SBNO2: variants seen among roughly 807,000 people sequenced by gnomAD.
SBNO2 encodes strawberry notch homolog 2, also known as protein strawberry notch homolog 2.
Under a neutral mutation model 146.3 loss-of-function variants are expected in SBNO2, and 89 were observed. The observed-to-expected ratio is 0.61, with a 90% CI of 0.51 to 0.73. The LOEUF (loss-of-function observed/expected upper bound fraction) is 0.73. Among genes scored for constraint, SBNO2 ranks in the 30% least tolerant of loss-of-function variants. SBNO2 has a pLI of 0.00. For synonymous variants in SBNO2, 1,147 were observed against 892.6 expected (o/e 1.29, Z -5.08); for missense variants, 2,092 against 2,003.7 (o/e 1.04, Z -0.84).
chr19:1,174,103 C>T (rs1435630239), intron 1 of SBNO2, 69 bp downstream of exon 1: 1 of 151,008 alleles, frequency 6.6e-6, no homozygotes, highest in Non-Finnish European at 1.5e-5. Flanking sequence ...AGCGCCGGAC[C>T]CACAAGCGGG....
chr19:1,134,830 G>A (rs1416750429), intron 4 of SBNO2, among the ~76,000 whole-genome samples: 1 of 151,946 alleles, frequency 6.6e-6, no homozygotes, highest in Non-Finnish European at 1.5e-5. Context: ...GGTGGATCAC[G>A]AGGTCAGGAG....
intron 4 of SBNO2, among the ~76,000 whole-genome samples, chr19:1,134,385 C>G (rs1048474989): frequency 5.4e-5 from 8 of 149,438 alleles, no homozygotes; most frequent in African/African-American, 2.0e-4. Flanking sequence ...GACAGCCTGG[C>G]TCCTGCAGCG....
intron 1 of SBNO2, among the ~76,000 whole-genome samples, chr19:1,156,683 G>A (rs1025345593): frequency 2.0e-5 from 3 of 152,162 alleles, no homozygotes; most frequent in African/African-American, 7.2e-5. Flanking sequence ...ACAGCAGCGA[G>A]GCCGACCTAG....
At chr19:1,154,523 G>C (rs1198771703) in intron 1 of SBNO2, 121 bp from the exon 2 acceptor site, 1 of 369,042 alleles carries the variant, frequency 2.7e-6, no homozygotes, top group East Asian at 3.9e-5. Flanking sequence ...CTACCTCCTG[G>C]GCCGGAACCA....
intron 3 of SBNO2, 147 bp from the exon 4 acceptor site, chr19:1,147,567 CACAT>C: frequency 1.9e-6 from 1 of 526,894 alleles, no homozygotes; most frequent in Non-Finnish European, 3.3e-6. Context: ...GGCCCCGCTG[CACAT>C]ACAGAGGGGC....
At chr19:1,170,366 G>A (rs1334821977) in intron 1 of SBNO2, among the ~76,000 whole-genome samples, 1 of 152,200 alleles carries the variant, frequency 6.6e-6, no homozygotes, top group East Asian at 1.9e-4. Flanking sequence ...GCCCGAGGGT[G>A]CAGGTGCCGG....
chr19:1,114,931 CTTAT>C (rs1021975672), intron 17 of SBNO2, among the ~76,000 whole-genome samples: 3 of 151,686 alleles, frequency 2.0e-5, no homozygotes, highest in Non-Finnish European at 4.4e-5. Flanking sequence ...CCACGCCTGG[CTTAT>C]TTATTTATTT....
At chr19:1,171,154 CACACGCGTATGAA>C (rs2080473546) in intron 1 of SBNO2, among the ~76,000 whole-genome samples, 1 of 151,880 alleles carries the variant, frequency 6.6e-6, no homozygotes, top group South Asian at 2.1e-4. Flanking sequence ...ACCCATAAAA[CACACGCGTATGAA>C]ACACACGAGC....
At chr19:1,139,971 G>A (rs2145276987) in intron 4 of SBNO2, among the ~76,000 whole-genome samples, 1 of 151,028 alleles carries the variant, frequency 6.6e-6, no homozygotes, top group Non-Finnish European at 1.5e-5. Flanking sequence ...AAAAACTAGA[G>A]AAAAACAGAG....
chr19:1,122,207 C>G lies in SBNO2; in HGVS notation c.1081G>C (p.Ala361Pro). ...AGGCGAGTGCGGTGCTGGCCGCCGG[C>G]CTGGCTCTCCCCAATCAGGGCGGAG... is the stretch of plus-strand genomic sequence containing the variant. ...TYSALIGESQ[A>P]GGQHRTRLRQ... Residue 361 changes from alanine (A) to proline (P), a missense_variant, in exon 11 of 32, where the codon GCC (alanine) becomes CCC (proline). Coordinates refer to ENST00000361757, the MANE Select transcript of SBNO2 (RefSeq NM_014963.3). 1 of 1,564,540 alleles carries G rather than the reference C, an allele frequency of 6.4e-7. No homozygotes were observed. The highest frequency in any genetic ancestry group is 1.4e-5 in the African/African-American group (1 of 73,658).
At position 1,157,560 on chromosome 19, in the gene SBNO2, G is replaced by C. The variant is rs749811943; in HGVS notation, c.-126-3158C>G. Among the ~76,000 whole-genome samples, 5 of 152,110 alleles carry C rather than the reference G, an allele frequency of 3.3e-5. No individual in the cohort carries two copies. Among genetic ancestry groups the C allele is most frequent in the Admixed American group, 6.5e-5 (1 of 15,278 alleles). On this transcript the variant is annotated intron_variant, in intron 1 of 31. Transcript: ENST00000361757. This position sits in a 1 kb window ranked among gnomAD's most constrained non-coding sequence, Gnocchi z 6.8. ...GAGTCCCATGACTGGAGGGATGCGT[G>C]GTGTGGGGGTTGGGGGGGCGGGGGT...
At position 1,110,868 on chromosome 19, in the gene SBNO2, G is replaced by A. The variant is rs760093714; in HGVS notation, c.2905C>T (p.Leu969=). Residue 969 remains leucine, a synonymous_variant, in exon 26 of 32, where the codon CTG becomes TTG. Transcript: ENST00000361757. This position sits in a 1 kb window ranked among gnomAD's most constrained non-coding sequence, Gnocchi z 4.9. ...VEKDCSITKF[L]NRILGLEVHK... is the part of the protein sequence containing the mutation. The stretch of plus-strand genomic sequence containing the variant: ...ACCTCCAGCCCCAGGATGCGGTTCA[G>A]GAACTTGGTGATGGAACAGTCTGGT... 1.9e-6 allele frequency: 3 copies of A among 1,613,744 alleles called. No homozygotes were observed. The highest frequency in any genetic ancestry group is 1.7e-5 in the Admixed American group (1 of 60,002).
At chr19:1,168,456 CA>C (rs951808861) in intron 1 of SBNO2, among the ~76,000 whole-genome samples, 5 of 152,190 alleles carry the variant, frequency 3.3e-5, no homozygotes, top group Admixed American at 6.5e-5. Context: ...ACATTCTGGT[CA>C]CAGTGATGCC....
At chr19:1,160,290 G>GC (rs895466392) in intron 1 of SBNO2, among the ~76,000 whole-genome samples, 1 of 152,306 alleles carries the variant, frequency 6.6e-6, no homozygotes, top group African/African-American at 2.4e-5. Context: ...CTCATGGGCA[G>GC]CCCCCCACCC....
At chr19:1,147,831 C>A (rs1416512308) in intron 3 of SBNO2, among the ~76,000 whole-genome samples, 1 of 152,090 alleles carries the variant, frequency 6.6e-6, no homozygotes, top group Non-Finnish European at 1.5e-5. Flanking sequence ...AGGAGGAGAG[C>A]GCTACGGGCA....
At chr19:1,123,874 G>C in intron 6 of SBNO2, 68 bp downstream of exon 6, 1 of 1,481,302 alleles carries the variant, frequency 6.8e-7, no homozygotes, top group African/African-American at 1.4e-5. Context: ...GGAGATGCCT[G>C]TGCTGAGCCC....
chr19:1,168,015 G>A (rs2080442374), intron 1 of SBNO2, among the ~76,000 whole-genome samples: 1 of 152,152 alleles, frequency 6.6e-6, no homozygotes, highest in Non-Finnish European at 1.5e-5. Flanking sequence ...CAGAGCTGGG[G>A]GAGGGGGCCA....
chr19:1,114,543 C>A lies in SBNO2; in HGVS notation c.1886-121G>T, dbSNP rs1446876587. 3 of 807,104 alleles carry A rather than the reference C, an allele frequency of 3.7e-6. No individual in the cohort carries two copies. In the East Asian group the frequency reaches 9.2e-5, roughly 25 times the overall value. 50.0% of individuals were successfully genotyped at this position (807,104 alleles called of 1,614,324 possible). A position where few individuals can be genotyped will look rare whatever the true frequency, so the allele number is the denominator to read the frequency against. ...GAGCTGGGGAGGTCCATCCGAGAAC[C>A]CCCTGCCTCTGGGCAAGCAGCTCAG... On this transcript the variant is annotated intron_variant, in intron 17 of 31. Transcript: ENST00000361757.
At chr19:1,123,486 A>G (rs1599841254) in intron 7 of SBNO2, 48 bp downstream of exon 7, 3 of 1,540,940 alleles carry the variant, frequency 1.9e-6, no homozygotes, top group East Asian at 2.3e-5. Context: ...TCGGTCCCAC[A>G]AAAGGGTTTG....
Sources: allele counts gnomAD v4.1 joint callset (sites outside exome capture counted in the v4.1 genomes callset), GRCh38; gene constraint gnomAD v4.1.1; non-coding constraint Gnocchi (gnomAD v3.1); transcripts MANE v1.5; gene names NCBI Gene and HGNC (gene_info 2026-07-23, HGNC 2026-07-21).